The following FER1L6 variants were observed in gnomAD, a reference collection of about 807,000 sequenced individuals.
FER1L6 encodes fer-1 like family member 6, also known as fer-1-like protein 6.
FER1L6 carries 177 observed loss-of-function variants against 219.2 expected under a neutral mutation model. That is an observed-to-expected ratio of 0.81 (90% CI 0.71 to 0.91). FER1L6 has a LOEUF of 0.91. Ranked by LOEUF, FER1L6 falls within the 40% of genes least tolerant of loss-of-function variation. The probability of loss-of-function intolerance (pLI) is 0.00; values close to 1 mark genes in which losing one functional copy is unlikely to be tolerated. For synonymous variants in FER1L6, 768 were observed against 824.3 expected (o/e 0.93, Z 1.17); for missense variants, 2,153 against 2,259.9 (o/e 0.95, Z 0.96).
rs1195537457 is a variant in FER1L6 at position 123,864,124 on chromosome 8, G to T, written c.-8+11939G>T. 1.1e-4 allele frequency among the ~76,000 whole-genome samples: 17 copies of T among 149,812 alleles called. 1 individual carries two copies. The highest frequency in any genetic ancestry group is 4.3e-4 in the African/African-American group (17 of 39,414). ...GATTTTGCAGCGGCTGGTACCGGTT[G>T]TTCCTTTCCATGTTTAGCGCTTCCT... On this transcript the variant is annotated intron_variant, in intron 1 of 40. Coordinates refer to ENST00000522917, the MANE Select transcript of FER1L6 (RefSeq NM_001039112.2).
intron 1 of FER1L6, among the ~76,000 whole-genome samples, chr8:123,873,636 C>A (rs1483758194): frequency 6.6e-6 from 1 of 152,128 alleles, no homozygotes. Context: ...CAGGTGACAT[C>A]CCCCAACCCC....
chr8:123,956,779 C>T (rs4871449), intron 2 of FER1L6, among the ~76,000 whole-genome samples: 151,994 of 152,356 alleles, frequency 1, 75,816 homozygotes, highest in Middle Eastern at 1. Flanking sequence ...CGGCTGGCCC[C>T]GAGCATGGGA....
chr8:123,975,226 A>G lies in FER1L6; in HGVS notation c.603A>G (p.Lys201=). ...DIRTGTKGYL[K]CDISVMGKGD... is the part of the protein sequence containing the mutation. Reference sequence around the variant, plus strand: ...GGACTGGCACCAAGGGGTACCTGAAATGTGACATCAGTGTCATGGGAAAAG... The same window carrying G: ...GGACTGGCACCAAGGGGTACCTGAAGTGTGACATCAGTGTCATGGGAAAAG... Residue 201 remains lysine, a synonymous_variant, in exon 8 of 41, where the codon AAA becomes AAG. Coordinates refer to ENST00000522917, the MANE Select transcript of FER1L6 (RefSeq NM_001039112.2). The G allele has an allele frequency of 6.2e-7, 1 of 1,613,214 alleles. No individual in the cohort carries two copies. The highest frequency in any genetic ancestry group is 1.1e-5 in the South Asian group (1 of 90,948).
chr8:123,905,421 T>C (rs1415967554), intron 1 of FER1L6, among the ~76,000 whole-genome samples: 1 of 152,222 alleles, frequency 6.6e-6, no homozygotes, highest in Non-Finnish European at 1.5e-5. Flanking sequence ...CATTCCTTTT[T>C]ATGGCTGCAT....
chr8:124,088,448 G>A (rs927253651), intron 33 of FER1L6, among the ~76,000 whole-genome samples: 1 of 152,060 alleles, frequency 6.6e-6, no homozygotes, highest in South Asian at 2.1e-4. Flanking sequence ...TGGGGCCAAG[G>A]TCTAGAATCA....
At chr8:124,027,041 A>AT (rs1357917063) in intron 18 of FER1L6, among the ~76,000 whole-genome samples, 1 of 152,168 alleles carries the variant, frequency 6.6e-6, no homozygotes, top group Non-Finnish European at 1.5e-5. Flanking sequence ...GCCAATCTCC[A>AT]TATGACATTC....
chr8:123,887,586 C>G (rs1817227437), intron 1 of FER1L6, among the ~76,000 whole-genome samples: 1 of 152,178 alleles, frequency 6.6e-6, no homozygotes, highest in Non-Finnish European at 1.5e-5. Flanking sequence ...TCCTCTCAAT[C>G]TGGGAAATTT....
chr8:123,963,227 GCCA>G (rs753351029), intron 2 of FER1L6, 48 bp from the exon 3 acceptor site: 1 of 1,607,514 alleles, frequency 6.2e-7, no homozygotes, highest in African/African-American at 1.3e-5. Context: ...AGGCTCGATT[GCCA>G]CCACATGTCA....
In FER1L6 at chr8:123,917,562, G is replaced by A. The variant is rs558671350; in HGVS notation, c.-7-38430G>A. On this transcript the variant is annotated intron_variant, in intron 1 of 40. Transcript: ENST00000522917. ...GTGTTCCAGATGTTATCTCCTTCCC[G>A]CCAAAGAAAAAACATAGCTCTACAG... 5.3e-5 allele frequency among the ~76,000 whole-genome samples: 8 copies of A among 152,042 alleles called. No homozygotes were observed. In the South Asian group the frequency reaches 8.3e-4, roughly 16 times the overall value.
At chr8:123,970,155 G>T in intron 6 of FER1L6, 58 bp downstream of exon 6, 1 of 1,412,298 alleles carries the variant, frequency 7.1e-7, no homozygotes, top group Non-Finnish European at 1.0e-6. Flanking sequence ...TTGGGCATTG[G>T]GGACTCTCTG....
intron 25 of FER1L6, 44 bp downstream of exon 25, chr8:124,062,076 A>T: frequency 6.2e-7 from 1 of 1,601,302 alleles, no homozygotes; most frequent in Non-Finnish European, 8.5e-7. Context: ...CTATAAAGTC[A>T]TGGTGCCTGC....
At chr8:123,890,133 G>A (rs1472483662) in intron 1 of FER1L6, among the ~76,000 whole-genome samples, 2 of 152,032 alleles carry the variant, frequency 1.3e-5, no homozygotes, top group African/African-American at 4.8e-5. Context: ...TTTCATAAAT[G>A]TTTGCATTTC....
At chr8:123,876,924 A>G (rs1168691798) in intron 1 of FER1L6, among the ~76,000 whole-genome samples, 1 of 152,208 alleles carries the variant, frequency 6.6e-6, no homozygotes, top group Non-Finnish European at 1.5e-5. Flanking sequence ...GTTACTTCCT[A>G]AGGGAAGCTT....
At position 123,975,251 on chromosome 8, in the gene FER1L6, G is replaced by A. The variant is rs1489221992; in HGVS notation, c.628G>A (p.Gly210Ser). 5.0e-6 allele frequency: 8 copies of A among 1,613,382 alleles called. No homozygotes were observed. Among genetic ancestry groups the A allele is most frequent in the South Asian group, 1.1e-5 (1 of 90,952 alleles). ...LKCDISVMGKGDVLKTSPKTS... is the reference protein window; with the variant it reads ...LKCDISVMGKSDVLKTSPKTS... The stretch of plus-strand genomic sequence containing the variant: ...ATGTGACATCAGTGTCATGGGAAAA[G>A]GTGATGTCTTGAAGACCAGCCCTAA... The change falls in exon 8 of 41, where the codon GGT becomes AGT. Residue 210 changes from glycine to serine, a missense_variant. By Grantham distance (56) the Gly-to-Ser change is moderately conservative. Transcript: ENST00000522917.
In FER1L6 at chr8:123,904,361, A is replaced by G. The variant is rs1812915740; in HGVS notation, c.-7-51631A>G. Among the ~76,000 whole-genome samples, 6 of 151,570 alleles carry G rather than the reference A, an allele frequency of 4.0e-5. No homozygotes were observed. The Admixed American group carries it at 4.0e-4, about 10-fold the overall frequency. ...AGCATCTAGCACTAGCTCTGTGTAT[A>G]ATAATCTCAAAGCAAATAATCACAC... On this transcript the variant is annotated intron_variant, in intron 1 of 40. Transcript: ENST00000522917.
chr8:123,913,802 T>C (rs1813109032), intron 1 of FER1L6, among the ~76,000 whole-genome samples: 1 of 151,922 alleles, frequency 6.6e-6, no homozygotes, highest in African/African-American at 2.4e-5. Flanking sequence ...AAAAGTGTTA[T>C]GAAATTATTC....
chr8:123,878,760 T>C (rs1432933863), intron 1 of FER1L6, among the ~76,000 whole-genome samples: 1 of 152,268 alleles, frequency 6.6e-6, no homozygotes, highest in African/African-American at 2.4e-5. Flanking sequence ...TATTCCTTTG[T>C]ATAAACATTT....
intron 25 of FER1L6, among the ~76,000 whole-genome samples, chr8:124,063,412 T>C (rs566779552): frequency 1.3e-5 from 2 of 152,366 alleles, no homozygotes; most frequent in East Asian, 3.9e-4. Context: ...CTGCTAGCTT[T>C]ATAGTTTTAG....
chr8:124,052,596 C>T (rs538311091), intron 22 of FER1L6, among the ~76,000 whole-genome samples: 108 of 152,080 alleles, frequency 7.1e-4, no homozygotes, highest in African/African-American at 2.5e-3. Context: ...GACAGCCTGA[C>T]CAACATGGAG....
Sources: allele counts gnomAD v4.1 joint callset (sites outside exome capture counted in the v4.1 genomes callset), GRCh38; gene constraint gnomAD v4.1.1; transcripts MANE v1.5; gene names NCBI Gene and HGNC (gene_info 2026-07-23, HGNC 2026-07-21).